The following C6 variants were observed in gnomAD, a reference collection of about 807,000 sequenced individuals.
C6 encodes the protein complement component C6.
In C6, 101 loss-of-function variants were observed where a neutral mutation model predicts 112.9. The ratio of observed to expected loss-of-function variants is 0.89; its 90% CI spans 0.76 to 1.06. The LOEUF (loss-of-function observed/expected upper bound fraction) is 1.06, where lower values mean the gene tolerates loss of function less well. Among genes scored for constraint, C6 ranks in the 50% least tolerant of loss-of-function variants. The pLI is 0.00. For synonymous variants in C6, 431 were observed against 384.1 expected (o/e 1.12, Z -1.43); for missense variants, 1,202 against 1,104.6 (o/e 1.09, Z -1.25).
intron 1 of C6, among the ~76,000 whole-genome samples, chr5:41,235,224 C>A (rs1021236871): frequency 2.8e-5 from 3 of 107,828 alleles, no homozygotes; most frequent in African/African-American, 7.0e-5. Flanking sequence ...TATCCCTCCC[C>A]CCTCCCCCGA....
chr5:41,190,297 A>C (rs7727839), intron 5 of C6, among the ~76,000 whole-genome samples: 63,615 of 151,936 alleles, frequency 0.42, 13,600 homozygotes, highest in African/African-American at 0.45. Flanking sequence ...TTTTGATAAT[A>C]GTCATTTCAA....
At chr5:41,257,561 T>C (rs1741797100) in intron 1 of C6, among the ~76,000 whole-genome samples, 1 of 152,148 alleles carries the variant, frequency 6.6e-6, no homozygotes, top group Non-Finnish European at 1.5e-5. Flanking sequence ...GGTTGAATGG[T>C]TATTGCACTT....
intron 1 of C6, among the ~76,000 whole-genome samples, chr5:41,227,209 G>T (rs1471893361): frequency 6.6e-6 from 1 of 152,094 alleles, no homozygotes; most frequent in Admixed American, 6.6e-5. Context: ...AATGATTAGT[G>T]ATGTTGGGCA....
intron 9 of C6, among the ~76,000 whole-genome samples, chr5:41,170,242 T>C (rs1052933050): frequency 6.6e-6 from 1 of 152,002 alleles, no homozygotes; most frequent in Admixed American, 6.6e-5. Context: ...TATCTAAATG[T>C]TTTTCCATGT....
rs115879957 is a variant in C6 at position 41,250,116 on chromosome 5, G to A, written c.-21+11078C>T. Among the ~76,000 whole-genome samples, 691 of 152,234 alleles carry A rather than the reference G, an allele frequency of 4.5e-3. 9 individuals carry two copies. The highest frequency in any genetic ancestry group is 0.016 in the African/African-American group (655 of 41,526). ...CAAATTATCCATAGTTAATGGTATC[G>A]GGGGAATTTAATATGTGGCTCCGGC... On this transcript the variant is annotated intron_variant, in intron 1 of 17. Transcript: ENST00000263413.
chr5:41,200,631 A>G (rs1580175297), intron 3 of C6, among the ~76,000 whole-genome samples: 2 of 152,146 alleles, frequency 1.3e-5, no homozygotes, highest in African/African-American at 4.8e-5. Context: ...CTGTTCCACA[A>G]ATGAGTTTCT....
chr5:41,182,884 T>G (rs1213742028), intron 6 of C6, among the ~76,000 whole-genome samples: 1 of 152,214 alleles, frequency 6.6e-6, no homozygotes, highest in Non-Finnish European at 1.5e-5. Flanking sequence ...CTTCATAAGG[T>G]TGGACAAGTC....
chr5:41,184,769 C>T (rs1387434218), intron 6 of C6, among the ~76,000 whole-genome samples: 5 of 152,110 alleles, frequency 3.3e-5, no homozygotes, highest in African/African-American at 4.8e-5. Context: ...CCACCACACC[C>T]GGCTAAGCCT....
At chr5:41,161,911 T>C (rs1184365743) in intron 9 of C6, 52 bp from the exon 10 acceptor site, 1 of 1,577,408 alleles carries the variant, frequency 6.3e-7, no homozygotes, top group Non-Finnish European at 8.7e-7. Context: ...CAAATTCCTA[T>C]TCTAAAACAA....
At chr5:41,245,166 G>C (rs549210918) in intron 1 of C6, among the ~76,000 whole-genome samples, 2 of 152,148 alleles carry the variant, frequency 1.3e-5, no homozygotes, top group Non-Finnish European at 2.9e-5. Flanking sequence ...CATAAAATAA[G>C]TTGTGAAGTT....
chr5:41,236,734 AACTGAAGG>A (rs1044565871), intron 1 of C6, among the ~76,000 whole-genome samples: 9 of 141,312 alleles, frequency 6.4e-5, no homozygotes, highest in African/African-American at 2.4e-4. Context: ...ATCAGAGCAG[AACTGAAGG>A]AAATAGAGAC....
rs529698928 is a variant in C6 at position 41,218,557 on chromosome 5, T to C, written c.-20-15307A>G. On this transcript the variant is annotated intron_variant, in intron 1 of 17. Coordinates refer to the C6 transcript ENST00000263413. ...AGGTCATTCTTTCTGCCTCTTTTTT[T>C]CCTGGGTCTATGCTTTCTTGAAGAA... 2.8e-3 allele frequency among the ~76,000 whole-genome samples: 431 copies of C among 152,304 alleles called. 1 individual carries two copies. Among genetic ancestry groups the C allele is most frequent in the Non-Finnish European group, 5.2e-3 (356 of 68,030 alleles).
At chr5:41,232,397 T>C (rs1002641118) in intron 1 of C6, among the ~76,000 whole-genome samples, 1 of 152,082 alleles carries the variant, frequency 6.6e-6, no homozygotes, top group Non-Finnish European at 1.5e-5. Flanking sequence ...AAAAGAAAAG[T>C]GGCAGAGAAT....
intron 1 of C6, among the ~76,000 whole-genome samples, chr5:41,206,698 C>T (rs1211657742): frequency 3.9e-5 from 6 of 152,096 alleles, no homozygotes; most frequent in South Asian, 4.1e-4. Context: ...AAGAAATGAA[C>T]GAAGCCTCCA....
intron 5 of C6, among the ~76,000 whole-genome samples, chr5:41,186,994 T>C (rs1749822944): frequency 7.1e-6 from 1 of 141,638 alleles, no homozygotes; most frequent in South Asian, 2.1e-4. Context: ...AAAAAAGTAG[T>C]TTTTTTGTCA....
At chr5:41,184,875 A>G (rs1338222686) in intron 6 of C6, among the ~76,000 whole-genome samples, 3 of 152,208 alleles carry the variant, frequency 2.0e-5, no homozygotes, top group Non-Finnish European at 4.4e-5. Context: ...AAGTACTTTG[A>G]AGACTCTAAG....
chr5:41,161,611 G>A, intron 10 of C6, 82 bp downstream of exon 10: 2 of 1,113,984 alleles, frequency 1.8e-6, no homozygotes, highest in East Asian at 4.7e-5. Flanking sequence ...AGAAGAAAAT[G>A]GAAAATAAAT....
At chr5:41,185,319 T>C (rs1749683444) in intron 6 of C6, among the ~76,000 whole-genome samples, 1 of 152,226 alleles carries the variant, frequency 6.6e-6, no homozygotes, top group Admixed American at 6.5e-5. Flanking sequence ...AAGGATTAAA[T>C]GAGTTTTTGC....
intron 1 of C6, among the ~76,000 whole-genome samples, chr5:41,226,066 C>T (rs960156769): frequency 6.6e-6 from 1 of 152,028 alleles, no homozygotes; most frequent in Admixed American, 6.6e-5. Context: ...TCTAAAACAC[C>T]AAAAGCAATG....
Sources: gnomAD v4.1 joint callset for allele counts (sites outside exome capture counted in the v4.1 genomes callset) on GRCh38, gnomAD v4.1.1 for gene constraint, MANE v1.5 for transcripts, NCBI Gene and HGNC (gene_info 2026-07-23, HGNC 2026-07-21) for gene names.